Variants in PCDH17 observed in about 807,000 individuals in gnomAD.
PCDH17 encodes protocadherin-17.
PCDH17 carries 21 observed loss-of-function variants against 67.7 expected under a neutral mutation model. The ratio of observed to expected loss-of-function variants is 0.31; its 90% CI spans 0.22 to 0.45. The LOEUF is 0.45. PCDH17 is among the 20% of genes least tolerant of loss of function. PCDH17 has a pLI of 1.00. For missense variants in PCDH17, 1,471 were observed against 1,564.8 expected, an observed-to-expected ratio of 0.94 and a Z score of 1.01; for synonymous variants, 701 against 656.7, an observed-to-expected ratio of 1.07 and a Z score of -1.03.
chr13:57,667,706 A>C (rs1429786416), intron 3 of PCDH17, among the ~76,000 whole-genome samples: 1 of 151,444 alleles, frequency 6.6e-6, no homozygotes, highest in Non-Finnish European at 1.5e-5. Flanking sequence ...CCTAACCTCT[A>C]AGTCATTTAC....
At chr13:57,631,416 G>C (rs1954718500), upstream of PCDH17, among the ~76,000 whole-genome samples, 1 of 152,204 alleles carries the variant, frequency 6.6e-6, no homozygotes, top group East Asian at 1.9e-4. Context: ...AAATGTGCAC[G>C]TCCAACCATG....
At position 57,676,231 on chromosome 13, in the gene PCDH17, A is replaced by G. The variant is rs141802312; in HGVS notation, c.2797+9398A>G. Among the ~76,000 whole-genome samples, 213 of 152,004 alleles carry G rather than the reference A, an allele frequency of 1.4e-3. 1 individual carries two copies. The highest frequency in any genetic ancestry group is 5.0e-3 in the African/African-American group (207 of 41,528). ...TTTCCAGAGATGCTAGGAAAAAAAC[A>G]AAAAAACAACTTCAGTTAACCAGAT... On this transcript the variant is annotated intron_variant, in intron 3 of 3. Coordinates refer to ENST00000377918, the MANE Select transcript of PCDH17 (RefSeq NM_001040429.3).
rs538324582 is a variant in PCDH17, at chr13:57,690,240, A to G, written c.2797+23407A>G. Among the ~76,000 whole-genome samples the G allele has an allele frequency of 4.0e-5, 6 of 151,882 alleles. No homozygotes were observed. In the South Asian group the frequency reaches 1.0e-3, roughly 26 times the overall value. ...CTATCCATATTCATGCTGGGTTTTT[A>G]CTGTATTGTTGGCATTATTTGGGCA... On this transcript the variant is annotated intron_variant, in intron 3 of 3. Coordinates refer to ENST00000377918, the MANE Select transcript of PCDH17 (RefSeq NM_001040429.3).
At chr13:57,647,383 C>T (rs1327467443) in intron 1 of PCDH17, among the ~76,000 whole-genome samples, 1 of 151,738 alleles carries the variant, frequency 6.6e-6, no homozygotes, top group African/African-American at 2.4e-5. Context: ...GGTCTCTTTT[C>T]TGTGACATCC....
chr13:57,636,187 A>G (rs1954820609), intron 1 of PCDH17, among the ~76,000 whole-genome samples: 1 of 152,150 alleles, frequency 6.6e-6, no homozygotes, highest in Non-Finnish European at 1.5e-5. Flanking sequence ...GAGTTGTGTC[A>G]CAGAAAAACT....
intron 3 of PCDH17, among the ~76,000 whole-genome samples, chr13:57,707,202 GC>G (rs1207267571): frequency 6.6e-6 from 1 of 151,884 alleles, no homozygotes; most frequent in Non-Finnish European, 1.5e-5. Flanking sequence ...AAAGTTTTCT[GC>G]CACTTTATAG....
intron 1 of PCDH17, among the ~76,000 whole-genome samples, chr13:57,653,771 T>C (rs1197852385): frequency 6.6e-6 from 1 of 152,132 alleles, no homozygotes; most frequent in Non-Finnish European, 1.5e-5. Flanking sequence ...TATTTACTCT[T>C]ACACTAAGTA....
intron 1 of PCDH17, among the ~76,000 whole-genome samples, chr13:57,660,060 C>G (rs757270742): frequency 1.3e-5 from 2 of 151,980 alleles, no homozygotes; most frequent in Non-Finnish European, 2.9e-5. Flanking sequence ...CTTGGCAAAA[C>G]CCCGTCTATA....
At chr13:57,662,992 G>A (rs1162149037) in intron 1 of PCDH17, among the ~76,000 whole-genome samples, 3 of 152,166 alleles carry the variant, frequency 2.0e-5, no homozygotes, top group Admixed American at 6.5e-5. Context: ...TCAGTATGAT[G>A]TTAGTTCACA....
chr13:57,644,624 A>G (rs1018806102), intron 1 of PCDH17, among the ~76,000 whole-genome samples: 6 of 151,586 alleles, frequency 4.0e-5, no homozygotes, highest in African/African-American at 1.5e-4. Context: ...AAAATGGCAG[A>G]TTAATTCTTG....
chr13:57,650,165 G>A (rs1471335105), intron 1 of PCDH17, among the ~76,000 whole-genome samples: 2 of 151,378 alleles, frequency 1.3e-5, no homozygotes, highest in Non-Finnish European at 2.9e-5. Flanking sequence ...GTAAAAAAAA[G>A]AGTTTTTCAA....
intron 3 of PCDH17, among the ~76,000 whole-genome samples, chr13:57,693,257 A>G (rs1257751196): frequency 6.8e-6 from 1 of 146,206 alleles, no homozygotes; most frequent in Non-Finnish European, 1.5e-5. Flanking sequence ...GTGAACTGAA[A>G]TAGTATTTGA....
intron 1 of PCDH17, among the ~76,000 whole-genome samples, chr13:57,643,800 T>A: frequency 6.6e-6 from 1 of 151,842 alleles, no homozygotes; most frequent in South Asian, 2.1e-4. Context: ...TGTGTGACCT[T>A]GTGTTATATT....
chr13:57,724,337 C>T (rs1384995141), intron 3 of PCDH17, among the ~76,000 whole-genome samples: 1 of 152,300 alleles, frequency 6.6e-6, no homozygotes, highest in African/African-American at 2.4e-5. Flanking sequence ...TGGTGATGCT[C>T]TATTCTACTG....
chr13:57,724,486 T>C (rs1955896229), intron 3 of PCDH17, 126 bp from the exon 4 acceptor site: 1 of 695,182 alleles, frequency 1.4e-6, no homozygotes. Flanking sequence ...TAATTATTGT[T>C]TTCTTTTCCT....
upstream of PCDH17, among the ~76,000 whole-genome samples, chr13:57,631,645 T>C (rs903229069): frequency 1.3e-5 from 2 of 152,110 alleles, no homozygotes; most frequent in African/African-American, 4.8e-5. Flanking sequence ...GATCAGGCTG[T>C]GGCTTTCTTG....
intron 3 of PCDH17, among the ~76,000 whole-genome samples, chr13:57,718,697 A>G (rs1955845744): frequency 6.6e-6 from 1 of 151,946 alleles, no homozygotes; most frequent in African/African-American, 2.4e-5. Context: ...TGAAAGAAAA[A>G]TCCATTTTAT....
chr13:57,642,780 T>A (rs1176538286), intron 1 of PCDH17, among the ~76,000 whole-genome samples: 1 of 151,604 alleles, frequency 6.6e-6, no homozygotes, highest in Non-Finnish European at 1.5e-5. Flanking sequence ...AATAATTTGC[T>A]TTGATCAAAT....
intron 3 of PCDH17, among the ~76,000 whole-genome samples, chr13:57,707,757 C>T (rs1955734479): frequency 6.6e-6 from 1 of 152,020 alleles, no homozygotes; most frequent in African/African-American, 2.4e-5. Context: ...GAGGACCCTT[C>T]CTTGACTCTG....
Sources: gnomAD v4.1 joint callset for allele counts (sites outside exome capture counted in the v4.1 genomes callset) on GRCh38, gnomAD v4.1.1 for gene constraint, MANE v1.5 for transcripts, NCBI Gene and HGNC (gene_info 2026-07-23, HGNC 2026-07-21) for gene names.